SPTY2D1: variants seen among roughly 807,000 people sequenced by gnomAD.
SPTY2D1 encodes protein SPT2 homolog.
A neutral mutation model predicts 64.0 loss-of-function variants in SPTY2D1; 21 were observed. The observed-to-expected ratio is 0.33, with a 90% CI of 0.23 to 0.47. The LOEUF (loss-of-function observed/expected upper bound fraction) is 0.47. Among genes scored for constraint, SPTY2D1 ranks in the 20% least tolerant of loss-of-function variants. The probability of loss-of-function intolerance (pLI) is 1.00; values close to 1 mark genes in which losing one functional copy is unlikely to be tolerated. For synonymous variants in SPTY2D1, 287 were observed against 286.8 expected, an observed-to-expected ratio of 1.00 and a Z score of -0.01; for missense variants, 724 against 837.2, an observed-to-expected ratio of 0.86 and a Z score of 1.67.
intron 1 of SPTY2D1, among the ~76,000 whole-genome samples, chr11:18,622,405 C>T (rs921608382): frequency 4.6e-5 from 7 of 151,820 alleles, no homozygotes; most frequent in Non-Finnish European, 1.0e-4. Flanking sequence ...GTGACGCACG[C>T]CTGTAGTCCC....
chr11:18,633,891 C>A (rs981831699), intron 1 of SPTY2D1, among the ~76,000 whole-genome samples: 8 of 152,218 alleles, frequency 5.3e-5, no homozygotes, highest in African/African-American at 1.9e-4. Context: ...CGCTAGAATC[C>A]ACAGCGTGCC....
intron 3 of SPTY2D1, among the ~76,000 whole-genome samples, chr11:18,614,198 CG>C (rs1717603580): frequency 6.6e-6 from 1 of 152,082 alleles, no homozygotes; most frequent in African/African-American, 2.4e-5. Flanking sequence ...CTGAGGAAGG[CG>C]GATCTCTGAG....
chr11:18,618,930 C>G (rs4757676), intron 1 of SPTY2D1, among the ~76,000 whole-genome samples: 1 of 151,982 alleles, frequency 6.6e-6, no homozygotes, highest in Non-Finnish European at 1.5e-5. Flanking sequence ...AGTCCCAAGA[C>G]AGCATCCAGA....
Position 18,622,086 on chromosome 11 carries a change from C to CAAAAAAAA in SPTY2D1, c.61-5105_61-5098dup, listed in dbSNP as rs747593791. Reference sequence around the variant, plus strand: ...TGAACAACAGAGTAAGACCCTATCTCAAAAAAAAAAAAAAAAAACCAAAAC... The same window carrying CAAAAAAAA: ...TGAACAACAGAGTAAGACCCTATCTCAAAAAAAAAAAAAAAAAAAAAAAAAACCAAAAC... On this transcript the variant is annotated intron_variant, in intron 1 of 5. Transcript: ENST00000336349. 4.2e-3 allele frequency among the ~76,000 whole-genome samples: 50 copies of CAAAAAAAA among 11,802 alleles called. 5 individuals carry two copies. Among genetic ancestry groups the CAAAAAAAA allele is most frequent in the African/African-American group, 6.2e-3 (26 of 4,204 alleles). 7.7% of individuals were successfully genotyped at this position (11,802 alleles called of 152,430 possible).
chr11:18,616,917 G>C lies in SPTY2D1; in HGVS notation c.133C>G (p.Gln45Glu), dbSNP rs369756163. ...KVKGVQSAAV[Q>E]AFLKRKEEEL... is the part of the protein sequence containing the mutation. Reference sequence around the variant, plus strand: ...TCTTCTTTCCTTTTAAGAAAAGCTTGTACAGCTGCTGATTGGACACCTTTA... The same window carrying C: ...TCTTCTTTCCTTTTAAGAAAAGCTTCTACAGCTGCTGATTGGACACCTTTA... The change falls in exon 2 of 6, where the codon CAA becomes GAA. Residue 45 changes from glutamine to glutamate, a missense_variant. Around this residue, in one of 3 missense-constraint regions of SPTY2D1, gnomAD observed 179 missense variants for 232.5 expected, o/e 0.77. Coordinates refer to ENST00000336349, the MANE Select transcript of SPTY2D1 (RefSeq NM_194285.3). 51 of 1,614,036 alleles carry C rather than the reference G, an allele frequency of 3.2e-5. No individual in the cohort carries two copies. The highest frequency in any genetic ancestry group is 3.9e-5 in the Non-Finnish European group (46 of 1,180,034).
At chr11:18,633,551 C>T (rs1382042710) in intron 1 of SPTY2D1, among the ~76,000 whole-genome samples, 1 of 152,232 alleles carries the variant, frequency 6.6e-6, no homozygotes, top group African/African-American at 2.4e-5. Context: ...TAAACAAAGA[C>T]TGAAATCTGG....
At chr11:18,609,990 A>G in intron 5 of SPTY2D1, 36 bp from the exon 6 acceptor site, 1 of 1,545,978 alleles carries the variant, frequency 6.5e-7, no homozygotes, top group Non-Finnish European at 8.9e-7. Context: ...TTGTCAATAT[A>G]CATGAGATGA....
intron 1 of SPTY2D1, 80 bp from the exon 2 acceptor site, chr11:18,617,069 A>G: frequency 1.8e-6 from 2 of 1,126,318 alleles, no homozygotes; most frequent in Non-Finnish European, 2.7e-6. Context: ...GTGCCAGGTA[A>G]TAAGAGGTAT....
At chr11:18,627,084 T>A (rs528738613) in intron 1 of SPTY2D1, among the ~76,000 whole-genome samples, 1 of 151,966 alleles carries the variant, frequency 6.6e-6, no homozygotes, top group African/African-American at 2.4e-5. Context: ...AACTTCCTTA[T>A]TTTTTTGTAC....
Position 18,615,595 on chromosome 11 carries a change from C to A in SPTY2D1, c.679G>T (p.Val227Leu), listed in dbSNP as rs751026346. 35 of 1,614,090 alleles carry A rather than the reference C, an allele frequency of 2.2e-5. No individual in the cohort carries two copies. Among genetic ancestry groups the A allele is most frequent in the Non-Finnish European group, 3.0e-5 (35 of 1,180,046 alleles). Residue 227 changes from valine to leucine, a missense_variant, in exon 3 of 6, where the codon GTG becomes TTG. Val to Leu is a conservative substitution (Grantham distance 32). Transcript: ENST00000336349. ...TTCTGAGAGGGTGCCTTTTTGGACA[C>A]AGTTGGAGGTAGTTTTCCATCTGTC... Reference protein sequence around the residue: ...LETDGKLPPTVSKKAPSQKES... With the variant: ...LETDGKLPPTLSKKAPSQKES...
chr11:18,618,734 G>A (rs933720074), intron 1 of SPTY2D1, among the ~76,000 whole-genome samples: 6 of 152,176 alleles, frequency 3.9e-5, no homozygotes, highest in African/African-American at 1.4e-4. Flanking sequence ...TGAAATTCTT[G>A]GAGGAAAACC....
chr11:18,634,103 G>A (rs1386969115), intron 1 of SPTY2D1, 95 bp downstream of exon 1: 5 of 1,390,824 alleles, frequency 3.6e-6, no homozygotes, highest in Non-Finnish European at 5.1e-6. Flanking sequence ...CTCTCCCGGA[G>A]CCGATAGGCG....
intron 2 of SPTY2D1, 143 bp from the exon 3 acceptor site, chr11:18,616,241 G>A (rs1854298643): frequency 1.2e-5 from 9 of 752,612 alleles, no homozygotes; most frequent in Non-Finnish European, 1.9e-5. Flanking sequence ...TATCAATTGA[G>A]TCATCTTTAC....
chr11:18,629,264 G>A (rs1854547581), intron 1 of SPTY2D1, among the ~76,000 whole-genome samples: 1 of 152,176 alleles, frequency 6.6e-6, no homozygotes, highest in Admixed American at 6.6e-5. Flanking sequence ...ACTTTGTGAG[G>A]CCAAGGCAGG....
intron 4 of SPTY2D1, among the ~76,000 whole-genome samples, chr11:18,611,938 G>A (rs549451584): frequency 2.0e-5 from 3 of 152,182 alleles, no homozygotes; most frequent in Non-Finnish European, 4.4e-5. Context: ...CATGAGGTGG[G>A]GAAAGACTTT....
At chr11:18,629,499 T>C (rs764769025) in intron 1 of SPTY2D1, among the ~76,000 whole-genome samples, 20 of 151,814 alleles carry the variant, frequency 1.3e-4, no homozygotes, top group Admixed American at 6.6e-5. Context: ...TGAGACTTTG[T>C]CTCAAAAAAA....
intron 3 of SPTY2D1, 53 bp downstream of exon 3, chr11:18,614,506 CTCTT>C (rs1174805146): frequency 2.9e-5 from 44 of 1,518,414 alleles, no homozygotes; most frequent in Non-Finnish European, 3.9e-5. Flanking sequence ...AATATAAAAA[CTCTT>C]TCCAATTTCC....
intron 1 of SPTY2D1, among the ~76,000 whole-genome samples, chr11:18,620,661 C>G (rs966507052): frequency 2.6e-5 from 4 of 151,178 alleles, no homozygotes; most frequent in Admixed American, 2.6e-4. Flanking sequence ...CCAAGGCGGG[C>G]GGATCATGAG....
intron 1 of SPTY2D1, among the ~76,000 whole-genome samples, chr11:18,630,202 C>T (rs993763456): frequency 3.3e-5 from 5 of 151,296 alleles, no homozygotes; most frequent in African/African-American, 7.3e-5. Context: ...TCTGGCCGGG[C>T]ATGGTGGCTC....
Sources: allele counts gnomAD v4.1 joint callset (sites outside exome capture counted in the v4.1 genomes callset), GRCh38; gene constraint gnomAD v4.1.1; regional missense constraint gnomAD v4.1.1; transcripts MANE v1.5; gene names NCBI Gene and HGNC (gene_info 2026-07-23, HGNC 2026-07-21).